The following PLCB4 variants were observed in gnomAD, a reference collection of about 807,000 sequenced individuals.
PLCB4 encodes the protein phospholipase C beta 4, also known as 1-phosphatidylinositol 4,5-bisphosphate phosphodiesterase beta-4.
In PLCB4, 77 loss-of-function variants were observed where a neutral mutation model predicts 178.8. That is an observed-to-expected ratio of 0.43 (90% CI 0.36 to 0.52). The LOEUF is 0.52. PLCB4 is among the 20% of genes least tolerant of loss of function. PLCB4 has a pLI of 0.00. For synonymous variants in PLCB4, 496 were observed against 490.8 expected (o/e 1.01, Z -0.14); for missense variants, 1,024 against 1,453.4 (o/e 0.70, Z 4.80).
intron 1 of PLCB4, among the ~76,000 whole-genome samples, chr20:9,077,595 C>T (rs920066078): frequency 1.3e-5 from 2 of 152,114 alleles, no homozygotes; most frequent in African/African-American, 4.8e-5. Flanking sequence ...AGTTAAGGGG[C>T]TAATGTAAAA....
chr20:9,157,681 C>T lies in PLCB4; in HGVS notation c.-78-59709C>T, dbSNP rs530908785. Among the ~76,000 whole-genome samples the T allele has an allele frequency of 2.6e-5, 4 of 152,262 alleles. No individual in the cohort carries two copies. In the South Asian group the frequency reaches 8.3e-4, roughly 32 times the overall value. ...TATACAAGAGTCCATGAAGAAGCCT[C>T]CTTCTCTTATGTTGTAATTCACAGA... On this transcript the variant is annotated intron_variant, in intron 2 of 39. Transcript: ENST00000378473.
intron 2 of PLCB4, among the ~76,000 whole-genome samples, chr20:9,112,723 A>G (rs929885270): frequency 3.3e-5 from 5 of 152,110 alleles, no homozygotes; most frequent in African/African-American, 1.2e-4. Flanking sequence ...CCTTTATGCA[A>G]TTCCTGGGCA....
intron 3 of PLCB4, among the ~76,000 whole-genome samples, chr20:9,234,086 C>A (rs541899798): frequency 6.6e-6 from 1 of 151,986 alleles, no homozygotes; most frequent in Non-Finnish European, 1.5e-5. Flanking sequence ...GGCACTTCAG[C>A]AGCAGATGAG....
intron 2 of PLCB4, among the ~76,000 whole-genome samples, chr20:9,136,298 G>A (rs2092381700): frequency 6.6e-6 from 1 of 152,114 alleles, no homozygotes; most frequent in South Asian, 2.1e-4. Flanking sequence ...GCACCCGTAG[G>A]GGAGTGGAGG....
chr20:9,159,220 A>G (rs190475975), intron 2 of PLCB4, among the ~76,000 whole-genome samples: 38 of 152,294 alleles, frequency 2.5e-4, no homozygotes, highest in Non-Finnish European at 4.3e-4. Flanking sequence ...ATTTTAAATC[A>G]GACTACTTAG....
chr20:9,117,747 A>C (rs2091828219), intron 2 of PLCB4, among the ~76,000 whole-genome samples: 1 of 152,092 alleles, frequency 6.6e-6, no homozygotes, highest in Non-Finnish European at 1.5e-5. Flanking sequence ...TTCCTACCCC[A>C]GGGCCTTTGC....
At chr20:9,154,104 C>T (rs898036037) in intron 2 of PLCB4, among the ~76,000 whole-genome samples, 2 of 152,014 alleles carry the variant, frequency 1.3e-5, no homozygotes, top group African/African-American at 4.8e-5. Flanking sequence ...GTCACTTGGG[C>T]AAAGTTCGGT....
At chr20:9,146,684 A>G (rs1365488308) in intron 2 of PLCB4, among the ~76,000 whole-genome samples, 1 of 152,122 alleles carries the variant, frequency 6.6e-6, no homozygotes, top group Non-Finnish European at 1.5e-5. Context: ...GACTCTTTAC[A>G]TGGTATTTTG....
chr20:9,123,545 C>T (rs1272042917), intron 2 of PLCB4, among the ~76,000 whole-genome samples: 2 of 151,428 alleles, frequency 1.3e-5, no homozygotes, highest in Non-Finnish European at 2.9e-5. Flanking sequence ...TGAAGTAATA[C>T]CTGCTTGCTG....
chr20:9,370,209 C>G (rs1035961074), intron 9 of PLCB4, among the ~76,000 whole-genome samples: 26 of 152,166 alleles, frequency 1.7e-4, no homozygotes, highest in African/African-American at 5.6e-4. Context: ...GCTCACTGTT[C>G]TAGTTAAAAG....
chr20:9,259,346 G>A (rs886932623), intron 3 of PLCB4, among the ~76,000 whole-genome samples: 6 of 152,054 alleles, frequency 3.9e-5, no homozygotes, highest in African/African-American at 1.2e-4. Context: ...TTTTAAAAAC[G>A]TGTAAAAAAT....
chr20:9,318,937 CTG>C (rs1382113372), intron 4 of PLCB4, among the ~76,000 whole-genome samples: 7 of 152,206 alleles, frequency 4.6e-5, no homozygotes, highest in Non-Finnish European at 1.0e-4. Context: ...CAAGCCGTGT[CTG>C]TGGGCCGCAG....
At chr20:9,425,071 C>T (rs2040905489) in intron 28 of PLCB4, among the ~76,000 whole-genome samples, 1 of 151,306 alleles carries the variant, frequency 6.6e-6, no homozygotes. Context: ...AAAGGAAGCA[C>T]ATTAGAAGCT....
At chr20:9,362,548 T>C (rs2035434119) in intron 7 of PLCB4, among the ~76,000 whole-genome samples, 1 of 152,260 alleles carries the variant, frequency 6.6e-6, no homozygotes, top group Admixed American at 6.5e-5. Context: ...TATTTTATAA[T>C]GCTGGTTGGA....
intron 25 of PLCB4, among the ~76,000 whole-genome samples, chr20:9,415,469 A>G (rs1447545874): frequency 1.3e-5 from 2 of 152,214 alleles, no homozygotes; most frequent in Non-Finnish European, 2.9e-5. Context: ...GTATGATGAA[A>G]TAGGATGCAT....
intron 3 of PLCB4, among the ~76,000 whole-genome samples, chr20:9,279,942 G>C (rs1351146751): frequency 6.6e-6 from 1 of 152,010 alleles, no homozygotes. Flanking sequence ...TAGCCGTTTG[G>C]CTTTGTCATA....
intron 3 of PLCB4, among the ~76,000 whole-genome samples, chr20:9,229,635 C>A (rs1342124624): frequency 2.0e-5 from 3 of 151,630 alleles, no homozygotes; most frequent in African/African-American, 7.3e-5. Flanking sequence ...TTATTTGGTA[C>A]CTTTTAATAC....
intron 7 of PLCB4, among the ~76,000 whole-genome samples, chr20:9,356,312 T>A (rs1281699407): frequency 1.3e-5 from 2 of 152,216 alleles, no homozygotes; most frequent in Admixed American, 6.5e-5. Context: ...ATCCCATTTG[T>A]CAATTTTGCC....
rs1045242598 is a variant in PLCB4 at position 9,314,208 on chromosome 20, G to A, written c.84+6310G>A. Among the ~76,000 whole-genome samples, 4 of 152,332 alleles carry A rather than the reference G, an allele frequency of 2.6e-5. No homozygotes were observed. In the East Asian group the frequency reaches 5.8e-4, roughly 22 times the overall value. The stretch of plus-strand genomic sequence containing the variant: ...ATCAATGGGTTTACTTTCCAGCCCA[G>A]GGCATTGGCATTTGATTCAGAAAGC... On this transcript the variant is annotated intron_variant, in intron 4 of 39. Coordinates refer to ENST00000378473, the MANE Select transcript of PLCB4 (RefSeq NM_001377142.1).
Sources: gnomAD v4.1 joint callset for allele counts (sites outside exome capture counted in the v4.1 genomes callset) on GRCh38, gnomAD v4.1.1 for gene constraint, MANE v1.5 for transcripts, NCBI Gene and HGNC (gene_info 2026-07-23, HGNC 2026-07-21) for gene names.